NXPH1: variants seen among roughly 807,000 people sequenced by gnomAD.
The protein encoded by NXPH1 is neurexophilin 1, also known as neurexophilin-1.
A neutral mutation model predicts 23.7 loss-of-function variants in NXPH1; 5 were observed. The observed-to-expected ratio is 0.21, with a 90% CI of 0.11 to 0.44. The LOEUF (loss-of-function observed/expected upper bound fraction) is 0.44, where lower values mean the gene tolerates loss of function less well. Ranked by LOEUF, NXPH1 falls within the 20% of genes least tolerant of loss-of-function variation. The pLI is 0.99. For missense variants in NXPH1, 324 were observed against 321.6 expected, an observed-to-expected ratio of 1.01 and a Z score of -0.06; for synonymous variants, 144 against 122.2, an observed-to-expected ratio of 1.18 and a Z score of -1.18.
intron 2 of NXPH1, among the ~76,000 whole-genome samples, chr7:8,668,435 T>A (rs1820814412): frequency 6.6e-6 from 1 of 152,202 alleles, no homozygotes; most frequent in Admixed American, 6.5e-5. Flanking sequence ...AGCTTGCTAC[T>A]GGAGTTCTCA....
At chr7:8,502,442 G>A (rs756524178) in intron 2 of NXPH1, among the ~76,000 whole-genome samples, 1 of 151,798 alleles carries the variant, frequency 6.6e-6, no homozygotes, top group Non-Finnish European at 1.5e-5. Flanking sequence ...TGTACAAGGT[G>A]CTGTCTTGCA....
intron 2 of NXPH1, among the ~76,000 whole-genome samples, chr7:8,571,756 G>C (rs1818653851): frequency 6.6e-6 from 1 of 151,768 alleles, no homozygotes; most frequent in South Asian, 2.1e-4. Context: ...AAAACCGTAA[G>C]ACACAACAAA....
chr7:8,524,177 G>A (rs546578231), intron 2 of NXPH1, among the ~76,000 whole-genome samples: 1 of 141,474 alleles, frequency 7.1e-6, no homozygotes, highest in South Asian at 2.3e-4. Context: ...GGGTGGTAGA[G>A]GTTGCAGTGA....
At chr7:8,495,239 G>T (rs1817314705) in intron 2 of NXPH1, among the ~76,000 whole-genome samples, 1 of 151,724 alleles carries the variant, frequency 6.6e-6, no homozygotes, top group Non-Finnish European at 1.5e-5. Flanking sequence ...GTAGTCTGGT[G>T]GTAGAATCCT....
chr7:8,496,921 A>T (rs1315255255), intron 2 of NXPH1, among the ~76,000 whole-genome samples: 1 of 152,140 alleles, frequency 6.6e-6, no homozygotes, highest in African/African-American at 2.4e-5. Flanking sequence ...CACAATGTGC[A>T]GGTTTGTTAC....
At chr7:8,582,024 C>T (rs1416282626) in intron 2 of NXPH1, among the ~76,000 whole-genome samples, 1 of 152,182 alleles carries the variant, frequency 6.6e-6, no homozygotes. Flanking sequence ...GGTCTGGCGT[C>T]TGCACATAGC....
chr7:8,459,652 T>C (rs958766375), intron 2 of NXPH1, among the ~76,000 whole-genome samples: 1 of 152,152 alleles, frequency 6.6e-6, no homozygotes, highest in Non-Finnish European at 1.5e-5. Context: ...ACTTTTCCAC[T>C]GTGGGTCCTC....
intron 2 of NXPH1, among the ~76,000 whole-genome samples, chr7:8,437,364 T>TG (rs896357079): frequency 1.1e-5 from 1 of 88,834 alleles, no homozygotes; most frequent in African/African-American, 4.5e-5. Flanking sequence ...TATTGAGAGA[T>TG]GGGGGGAGGG....
chr7:8,481,672 T>C (rs527665656), intron 2 of NXPH1, among the ~76,000 whole-genome samples: 13 of 152,332 alleles, frequency 8.5e-5, no homozygotes, highest in African/African-American at 3.1e-4. Flanking sequence ...TTTCATCTTA[T>C]TTTTTCATTT....
chr7:8,473,239 G>A (rs112516239), intron 2 of NXPH1, among the ~76,000 whole-genome samples: 24 of 152,196 alleles, frequency 1.6e-4, no homozygotes, highest in Admixed American at 9.2e-4. Context: ...TTTATTGAGC[G>A]GCTGTTCCCA....
intron 2 of NXPH1, among the ~76,000 whole-genome samples, chr7:8,609,676 G>A (rs1819574872): frequency 6.6e-6 from 1 of 152,118 alleles, no homozygotes. Context: ...CCATTGTGTT[G>A]TAGATTTTAT....
At chr7:8,457,355 G>C (rs1441309692) in intron 2 of NXPH1, among the ~76,000 whole-genome samples, 1 of 152,154 alleles carries the variant, frequency 6.6e-6, no homozygotes, top group African/African-American at 2.4e-5. Flanking sequence ...GATGCAATCT[G>C]TGGCTGGGTC....
intron 2 of NXPH1, among the ~76,000 whole-genome samples, chr7:8,708,459 C>G (rs1779737088): frequency 6.6e-6 from 1 of 152,102 alleles, no homozygotes. Context: ...CTCCTGGGTT[C>G]AAGTGATTCT....
intron 2 of NXPH1, among the ~76,000 whole-genome samples, chr7:8,582,731 AG>A (rs1271233628): frequency 6.6e-6 from 1 of 152,130 alleles, no homozygotes; most frequent in Non-Finnish European, 1.5e-5. Context: ...GGCCAGAAAA[AG>A]CACTATGAGT....
chr7:8,633,407 G>A (rs1167140168), intron 2 of NXPH1, among the ~76,000 whole-genome samples: 1 of 152,194 alleles, frequency 6.6e-6, no homozygotes, highest in Non-Finnish European at 1.5e-5. Context: ...TAGAGACAGA[G>A]CGAGAGTCCA....
intron 2 of NXPH1, among the ~76,000 whole-genome samples, chr7:8,632,250 C>T (rs911379007): frequency 6.6e-6 from 1 of 152,048 alleles, no homozygotes; most frequent in African/African-American, 2.4e-5. Flanking sequence ...TGATGACTAA[C>T]CAACTAATTT....
At chr7:8,583,629 C>A (rs1818925215) in intron 2 of NXPH1, among the ~76,000 whole-genome samples, 1 of 152,084 alleles carries the variant, frequency 6.6e-6, no homozygotes, top group Non-Finnish European at 1.5e-5. Context: ...GATGCCACTA[C>A]CCTGGTGAAG....
At chr7:8,455,971 C>T (rs543216388) in intron 2 of NXPH1, among the ~76,000 whole-genome samples, 21 of 152,300 alleles carry the variant, frequency 1.4e-4, no homozygotes, top group African/African-American at 5.1e-4. Context: ...TACACCTGAT[C>T]CTTGCAAGGT....
chr7:8,732,944 G>T (rs189135457), intron 2 of NXPH1, among the ~76,000 whole-genome samples: 1 of 152,180 alleles, frequency 6.6e-6, no homozygotes, highest in East Asian at 1.9e-4. Context: ...TTGTTACATA[G>T]GTATACATGT....
Sources: gnomAD v4.1 joint callset for allele counts (sites outside exome capture counted in the v4.1 genomes callset) on GRCh38, gnomAD v4.1.1 for gene constraint, MANE v1.5 for transcripts, NCBI Gene and HGNC (gene_info 2026-07-23, HGNC 2026-07-21) for gene names.